Variants in FAM234A observed in about 807,000 individuals in gnomAD.
FAM234A encodes the protein family with sequence similarity 234 member A.
Under a neutral mutation model 49.1 loss-of-function variants are expected in FAM234A, and 42 were observed. The ratio of observed to expected loss-of-function variants is 0.86; its 90% CI spans 0.67 to 1.11. FAM234A has a LOEUF of 1.11. Ranked by LOEUF, FAM234A falls within the 50% of genes least tolerant of loss-of-function variation. The pLI is 0.00. For missense variants in FAM234A, 815 were observed against 745.2 expected (o/e 1.09, Z -1.09); for synonymous variants, 369 against 316.2 (o/e 1.17, Z -1.77).
intron 3 of FAM234A, among the ~76,000 whole-genome samples, chr16:256,355 C>T (rs761223777): frequency 6.6e-6 from 1 of 152,054 alleles, no homozygotes; most frequent in Non-Finnish European, 1.5e-5. Flanking sequence ...CCTTTAGTTT[C>T]TTGTTATTGT....
downstream of FAM234A, chr16:266,119 T>C: frequency 1.0e-6 from 1 of 980,978 alleles, no homozygotes; most frequent in South Asian, 4.7e-5. Context: ...GGCGTGAGCC[T>C]AGCGTGTGTG....
Position 254,377 on chromosome 16 carries a change from A to G in FAM234A, c.-33-4A>G, listed in dbSNP as rs755197246. ...CTCGCCGACCTCTTGCTTTATCGACACAGTGACCAGGAGTTAAACTTTGGG... is the reference window on the plus strand; with the variant it reads ...CTCGCCGACCTCTTGCTTTATCGACGCAGTGACCAGGAGTTAAACTTTGGG... On this transcript the variant is annotated splice_polypyrimidine_tract_variant and splice_region_variant and intron_variant, in intron 2 of 12. Coordinates refer to ENST00000399932, the MANE Select transcript of FAM234A (RefSeq NM_032039.4). The G allele has an allele frequency of 1.2e-6, 2 of 1,608,974 alleles. No individual in the cohort carries two copies. Among genetic ancestry groups the G allele is most frequent in the Non-Finnish European group, 8.5e-7 (1 of 1,176,960 alleles).
intron 1 of FAM234A, among the ~76,000 whole-genome samples, chr16:238,603 A>G (rs1466808384): frequency 1.3e-5 from 2 of 151,044 alleles, no homozygotes; most frequent in African/African-American, 4.9e-5. Flanking sequence ...CGTCTCTACT[A>G]AAAATACAAA....
chr16:267,893 A>G (rs572968692), downstream of FAM234A, among the ~76,000 whole-genome samples: 606 of 139,466 alleles, frequency 4.3e-3, 5 homozygotes, highest in Non-Finnish European at 5.3e-3. Context: ...ACATGCACAT[A>G]CCACACATGC....
chr16:239,250 A>T (rs576331419), intron 1 of FAM234A, among the ~76,000 whole-genome samples: 1 of 137,284 alleles, frequency 7.3e-6, no homozygotes, highest in South Asian at 2.5e-4. Flanking sequence ...CAGTGAGCTG[A>T]GATTGCACCA....
chr16:268,814 G>T (rs1401989764), downstream of FAM234A: 2 of 1,550,366 alleles, frequency 1.3e-6, no homozygotes, highest in South Asian at 1.2e-5. Context: ...CTTGGACGGG[G>T]CAGAGCTCGC....
At position 266,069 on chromosome 16, in the gene FAM234A, A is replaced by C; in HGVS notation, c.*1047A>C. ...ACCCACCCACCAAGGAAGAAAGCAG[A>C]ATAAACATTTTTGCACTGCCTGAAA... is the stretch of plus-strand genomic sequence containing the variant. On this transcript the variant is annotated 3_prime_UTR_variant, in exon 13 of 13. Transcript: ENST00000399932. 1.0e-6 allele frequency: 1 copy of C among 986,030 alleles called. No individual in the cohort carries two copies. The highest frequency in any genetic ancestry group is 1.2e-6 in the Non-Finnish European group (1 of 830,106). The allele number at this position is 986,030 out of a possible 1,614,324, so 61.1% of individuals were successfully genotyped here.
intron 1 of FAM234A, among the ~76,000 whole-genome samples, chr16:246,307 G>T (rs2050802168): frequency 1.4e-5 from 2 of 147,340 alleles, no homozygotes; most frequent in African/African-American, 2.5e-5. Flanking sequence ...TTGTGACGAG[G>T]TCTCACTCTC....
chr16:246,709 A>G (rs772658682), intron 1 of FAM234A, among the ~76,000 whole-genome samples: 3 of 148,206 alleles, frequency 2.0e-5, no homozygotes, highest in Middle Eastern at 3.6e-3. Context: ...GTGAGCCACC[A>G]TGCCCAGCCA....
intron 9 of FAM234A, 112 bp from the exon 10 acceptor site, chr16:263,588 T>C (rs2051569147): frequency 1.6e-5 from 20 of 1,258,092 alleles, no homozygotes; most frequent in African/African-American, 3.0e-5. Context: ...TCCTGGGCCC[T>C]GGTCCAGATG....
At chr16:244,626 G>A (rs931535678) in intron 1 of FAM234A, among the ~76,000 whole-genome samples, 1 of 146,776 alleles carries the variant, frequency 6.8e-6, no homozygotes, top group South Asian at 2.2e-4. Flanking sequence ...TTCACAAAAT[G>A]TTGTAAAAAT....
chr16:255,000 C>T (rs1310482616), intron 3 of FAM234A, among the ~76,000 whole-genome samples: 1 of 152,150 alleles, frequency 6.6e-6, no homozygotes, highest in Admixed American at 6.5e-5. Flanking sequence ...GGATTACAGG[C>T]GTGCAGCACC....
At chr16:269,178 C>T (rs1018244785), downstream of FAM234A, 11 of 1,046,176 alleles carry the variant, frequency 1.1e-5, no homozygotes, top group Admixed American at 2.0e-4. Flanking sequence ...GGTTCAGCAG[C>T]CCCCAGGACC....
intron 3 of FAM234A, among the ~76,000 whole-genome samples, 171 bp from the exon 4 acceptor site, chr16:259,312 T>C (rs1038738403): frequency 3.3e-5 from 5 of 151,386 alleles, no homozygotes; most frequent in Non-Finnish European, 7.4e-5. Context: ...GCCCACCCCC[T>C]GGTTTTCACG....
rs2051469222 is a variant in FAM234A at position 261,587 on chromosome 16, T to G, written c.708+73T>G. On this transcript the variant is annotated intron_variant, in intron 6 of 12. Coordinates refer to ENST00000399932, the MANE Select transcript of FAM234A (RefSeq NM_032039.4). ...CACGGCCCTGCTCTACCTCCCCATCTGCTGCCACTTCCCAGACAGGATTCG... is the reference window on the plus strand; with the variant it reads ...CACGGCCCTGCTCTACCTCCCCATCGGCTGCCACTTCCCAGACAGGATTCG... 8.0e-6 allele frequency: 12 copies of G among 1,491,372 alleles called. No individual in the cohort carries two copies. In the South Asian group the frequency reaches 8.6e-5, roughly 11 times the overall value. 92.4% of individuals were successfully genotyped at this position (1,491,372 alleles called of 1,614,324 possible).
chr16:263,557 GC>G, intron 9 of FAM234A, 142 bp from the exon 10 acceptor site: 1 of 1,292,674 alleles, frequency 7.7e-7, no homozygotes, highest in Non-Finnish European at 1.1e-6. Context: ...CTTGCCCCTT[GC>G]CCCAGACGTC....
At chr16:262,627 G>C in intron 8 of FAM234A, 74 bp downstream of exon 8, 5 of 1,457,626 alleles carry the variant, frequency 3.4e-6, no homozygotes, top group Non-Finnish European at 4.5e-6. Context: ...TCAGCGTTCG[G>C]ACAATCTGTG....
chr16:268,029 T>A (rs1481799770), downstream of FAM234A, among the ~76,000 whole-genome samples: 3 of 132,582 alleles, frequency 2.3e-5, no homozygotes, highest in Non-Finnish European at 4.6e-5. Flanking sequence ...TATGCATGCC[T>A]CACAGTACAC....
At chr16:241,249 G>T (rs745636450) in intron 1 of FAM234A, among the ~76,000 whole-genome samples, 2 of 145,952 alleles carry the variant, frequency 1.4e-5, no homozygotes, top group African/African-American at 2.7e-5. Context: ...TATCTTGACC[G>T]CAGAGGAGGT....
Sources: gnomAD v4.1 joint callset for allele counts (sites outside exome capture counted in the v4.1 genomes callset) on GRCh38, gnomAD v4.1.1 for gene constraint, MANE v1.5 for transcripts, NCBI Gene and HGNC (gene_info 2026-07-23, HGNC 2026-07-21) for gene names.